Variants in ITPKA observed in about 807,000 individuals in gnomAD.
ITPKA encodes the protein inositol-trisphosphate 3-kinase A, also known as IP3 3-kinase A.
ITPKA carries 16 observed loss-of-function variants against 40.7 expected under a neutral mutation model. The ratio of observed to expected loss-of-function variants is 0.39; its 90% confidence interval spans 0.27 to 0.60. The LOEUF (loss-of-function observed/expected upper bound fraction) is 0.60. Ranked by LOEUF, ITPKA falls within the 20% of genes least tolerant of loss-of-function variation. The pLI, the probability that ITPKA is intolerant of heterozygous loss-of-function variation, is 0.50. For synonymous variants in ITPKA, 313 were observed against 289.9 expected (o/e 1.08, Z -0.81); for missense variants, 540 against 649.3 (o/e 0.83, Z 1.83).
intron 1 of ITPKA, among the ~76,000 whole-genome samples, chr15:41,496,716 G>C (rs570795322): frequency 6.6e-6 from 1 of 152,288 alleles, no homozygotes; most frequent in South Asian, 2.1e-4. Context: ...CCCACACATC[G>C]CTTTCCACTA....
In ITPKA at chr15:41,494,465, G is replaced by GGGACCTGGCTGGGTGCTCCCGGA; in HGVS notation, c.489+55_489+77dup. The GGGACCTGGCTGGGTGCTCCCGGA allele has an allele frequency of 7.8e-7, 1 of 1,286,418 alleles. No individual in the cohort carries two copies. Among genetic ancestry groups the GGGACCTGGCTGGGTGCTCCCGGA allele is most frequent in the Non-Finnish European group, 1.0e-6 (1 of 985,848 alleles). The allele number at this position is 1,286,418 out of a possible 1,614,324, so 79.7% of individuals were successfully genotyped here. ...AGCGCCGGGCGCGGGGGCTGCACGG[G>GGGACCTGGCTGGGTGCTCCCGGA]GGACCTGGCTGGGTGCTCCCGGAGG... is the stretch of plus-strand genomic sequence containing the variant. On this transcript the variant is annotated intron_variant, in intron 1 of 6. Transcript: ENST00000260386. This position sits in a 1 kb window ranked among gnomAD's most constrained non-coding sequence, Gnocchi z 7.8.
chr15:41,501,161 C>T, intron 1 of ITPKA: 1 of 189,702 alleles, frequency 5.3e-6, no homozygotes, highest in Non-Finnish European at 9.8e-6. Context: ...AGAGCATTTT[C>T]GTAACCTGCC....
chr15:41,503,061 G>A lies in ITPKA; in HGVS notation c.1281G>A (p.Gln427=), dbSNP rs769254933. 6.2e-7 allele frequency: 1 copy of A among 1,609,788 alleles called. No homozygotes were observed. Among genetic ancestry groups the A allele is most frequent in the Non-Finnish European group, 8.5e-7 (1 of 1,176,980 alleles). The change falls in exon 7 of 7, where the codon CAG becomes CAA. Residue 427 remains glutamine, a synonymous_variant. Coordinates refer to ENST00000260386, the MANE Select transcript of ITPKA (RefSeq NM_002220.3). ...AGACCACGCCCCTCCCCGATGGCCA[G>A]ATCCTGGACCACCGGCGGCCCTGGG... ...FGKTTPLPDG[Q]ILDHRRPWEE...
In ITPKA at chr15:41,502,410, C is replaced by T. The variant is rs758806990; in HGVS notation, c.1017C>T (p.Asp339=). 1.3e-6 allele frequency: 2 copies of T among 1,595,408 alleles called. No homozygotes were observed. Among genetic ancestry groups the T allele is most frequent in the East Asian group, 2.3e-5 (1 of 44,344 alleles). The change falls in exon 5 of 7, where the codon GAC becomes GAT. Residue 339 remains aspartate (D), a synonymous_variant. Transcript: ENST00000260386. ...TCCTGTCCCACATCCAGAAAGCGGA[C>T]GGCTCCTGCAGCACCGACTTCAAGA... ...GFRIEGIKKA[D]GSCSTDFKTT... is the part of the protein sequence containing the mutation.
At chr15:41,502,739 A>T in intron 5 of ITPKA, 49 bp from the exon 6 acceptor site, 1 of 1,511,340 alleles carries the variant, frequency 6.6e-7, no homozygotes, top group Non-Finnish European at 9.0e-7. Context: ...GCAGGGGCTC[A>T]TTTGGCGTTT....
intron 1 of ITPKA, among the ~76,000 whole-genome samples, chr15:41,499,743 G>C (rs983812941): frequency 2.6e-5 from 4 of 152,180 alleles, no homozygotes; most frequent in Non-Finnish European, 5.9e-5. Flanking sequence ...GTTGACATGA[G>C]CCAACCTGTG....
In ITPKA at chr15:41,494,563, G is replaced by A; in HGVS notation, c.489+147G>A. The A allele has an allele frequency of 1.8e-6, 1 of 546,124 alleles. No homozygotes were observed. Among genetic ancestry groups the A allele is most frequent in the African/African-American group, 2.0e-5 (1 of 50,600 alleles). 33.8% of individuals were successfully genotyped at this position (546,124 alleles called of 1,614,324 possible). On this transcript the variant is annotated intron_variant, in intron 1 of 6. Coordinates refer to ENST00000260386, the MANE Select transcript of ITPKA (RefSeq NM_002220.3). The surrounding 1 kb of genome is among the most constrained non-coding windows in gnomAD (Gnocchi z 7.8). ...GTTTAGGAGGAATCTGGGGGTCAGAGGGAGGCGCCTGGCCGACCTCTCGCC... is the reference window on the plus strand; with the variant it reads ...GTTTAGGAGGAATCTGGGGGTCAGAAGGAGGCGCCTGGCCGACCTCTCGCC...
Position 41,494,891 on chromosome 15 carries a change from C to T in ITPKA, c.489+475C>T, listed in dbSNP as rs1306243746. On this transcript the variant is annotated intron_variant, in intron 1 of 6. Transcript: ENST00000260386. The surrounding 1 kb of genome is among the most constrained non-coding windows in gnomAD (Gnocchi z 7.8). Reference sequence around the variant, plus strand: ...AGTGGGAGTGGAGCGGCGCTCCAGGCTCTGCTCGGGAGCCGCTGCCGTCTG... The same window carrying T: ...AGTGGGAGTGGAGCGGCGCTCCAGGTTCTGCTCGGGAGCCGCTGCCGTCTG... 6.6e-6 allele frequency among the ~76,000 whole-genome samples: 1 copy of T among 152,216 alleles called. No individual in the cohort carries two copies. Among genetic ancestry groups the T allele is most frequent in the Non-Finnish European group, 1.5e-5 (1 of 68,018 alleles).
Position 41,494,562 on chromosome 15 carries a change from A to C in ITPKA, c.489+146A>C. 1 of 549,188 alleles carries C rather than the reference A, an allele frequency of 1.8e-6. No homozygotes were observed. Among genetic ancestry groups the C allele is most frequent in the African/African-American group, 2.0e-5 (1 of 50,608 alleles). The allele number at this position is 549,188 out of a possible 1,614,324, so 34.0% of individuals were successfully genotyped here. On this transcript the variant is annotated intron_variant, in intron 1 of 6. Coordinates refer to ENST00000260386, the MANE Select transcript of ITPKA (RefSeq NM_002220.3). The surrounding 1 kb of genome is among the most constrained non-coding windows in gnomAD (Gnocchi z 7.8). Reference sequence around the variant, plus strand: ...GGTTTAGGAGGAATCTGGGGGTCAGAGGGAGGCGCCTGGCCGACCTCTCGC... The same window carrying C: ...GGTTTAGGAGGAATCTGGGGGTCAGCGGGAGGCGCCTGGCCGACCTCTCGC...
chr15:41,494,606 G>C lies in ITPKA; in HGVS notation c.489+190G>C, dbSNP rs540214905. Among the ~76,000 whole-genome samples the C allele has an allele frequency of 6.6e-6, 1 of 152,336 alleles. No homozygotes were observed. The highest frequency in any genetic ancestry group is 1.5e-5 in the Non-Finnish European group (1 of 68,032). On this transcript the variant is annotated intron_variant, in intron 1 of 6. Transcript: ENST00000260386. The surrounding 1 kb of genome is among the most constrained non-coding windows in gnomAD (Gnocchi z 7.8). ...CTCTCGCCTGGGCAACTTTCACCTCGGCTCCGCCGGCGGGTCGTGGCGCTG... is the reference window on the plus strand; with the variant it reads ...CTCTCGCCTGGGCAACTTTCACCTCCGCTCCGCCGGCGGGTCGTGGCGCTG...
Position 41,494,347 on chromosome 15 carries a change from C to T in ITPKA, c.420C>T (p.Asp140=), listed in dbSNP as rs566557081. ...CGCTGCTCGAGGACTCGGAGGACGA[C>T]CTGCTGAGCGACAGTGAGAGCCGGA... The part of the protein sequence containing the change: ...SSSLLEDSED[D]LLSDSESRSR... The change falls in exon 1 of 7, where the codon GAC becomes GAT. Residue 140 remains aspartate, a synonymous_variant. Transcript: ENST00000260386. The surrounding 1 kb of genome is among the most constrained non-coding windows in gnomAD (Gnocchi z 7.8). 6 of 1,524,124 alleles carry T rather than the reference C, an allele frequency of 3.9e-6. No individual in the cohort carries two copies. In the South Asian group the frequency reaches 7.3e-5, roughly 19 times the overall value. 94.4% of individuals were successfully genotyped at this position (1,524,124 alleles called of 1,614,324 possible). A position where few individuals can be genotyped will look rare whatever the true frequency, so the allele number is the denominator to read the frequency against.
intron 1 of ITPKA, among the ~76,000 whole-genome samples, chr15:41,501,022 A>G (rs1305065228): frequency 6.7e-6 from 1 of 148,454 alleles, no homozygotes; most frequent in Non-Finnish European, 1.5e-5. Flanking sequence ...AAAAAAAAAA[A>G]AAAAAAAAAA....
chr15:41,503,194 T>G lies in ITPKA; in HGVS notation c.*28T>G. Reference sequence around the variant, plus strand: ...CTGGACTCCTGTCCCCGCGGGCCGCTCACCTGACATGTGGACCTGCAGCTT... The same window carrying G: ...CTGGACTCCTGTCCCCGCGGGCCGCGCACCTGACATGTGGACCTGCAGCTT... On this transcript the variant is annotated 3_prime_UTR_variant, in exon 7 of 7. Transcript: ENST00000260386. 1 of 1,503,980 alleles carries G rather than the reference T, an allele frequency of 6.6e-7. No individual in the cohort carries two copies. 93.2% of individuals were successfully genotyped at this position (1,503,980 alleles called of 1,614,324 possible).
intron 1 of ITPKA, among the ~76,000 whole-genome samples, chr15:41,500,396 GTTC>G (rs1396350676): frequency 1.3e-5 from 2 of 152,330 alleles, no homozygotes; most frequent in South Asian, 4.1e-4. Context: ...CTCCAGCCCT[GTTC>G]TTTCTCCAGG....
Position 41,503,380 on chromosome 15 carries a change from C to T in ITPKA, c.*214C>T, listed in dbSNP as rs749235223. ...CGTTCCCAGAGCCAAATGACACTAA[C>T]TTATAGAAGGGGAGGGGGCAAAGGG... is the stretch of plus-strand genomic sequence containing the variant. On this transcript the variant is annotated 3_prime_UTR_variant, in exon 7 of 7. Coordinates refer to ENST00000260386, the MANE Select transcript of ITPKA (RefSeq NM_002220.3). 3 of 598,224 alleles carry T rather than the reference C, an allele frequency of 5.0e-6. No individual in the cohort carries two copies. Among genetic ancestry groups the T allele is most frequent in the Non-Finnish European group, 9.0e-6 (3 of 335,058 alleles). The allele number at this position is 598,224 out of a possible 1,614,324, so 37.1% of individuals were successfully genotyped here.
chr15:41,494,394 A>C lies in ITPKA; in HGVS notation c.467A>C (p.Glu156Ala). Residue 156 changes from glutamate to alanine, a missense_variant, in exon 1 of 7, where the codon GAA (glutamate) becomes GCA (alanine). Transcript: ENST00000260386. The surrounding 1 kb of genome is among the most constrained non-coding windows in gnomAD (Gnocchi z 7.8). ...ESRSRGNVQL[E>A]AGEDVGQKNH... is the part of the protein sequence containing the mutation. ...CGGAGCCGCGGCAACGTGCAGCTGG[A>C]AGCGGGCGAGGACGTGGGTCAGGTA... 1 of 1,483,658 alleles carries C rather than the reference A, an allele frequency of 6.7e-7. No individual in the cohort carries two copies. Among genetic ancestry groups the C allele is most frequent in the South Asian group, 1.3e-5 (1 of 78,072 alleles). 91.9% of individuals were successfully genotyped at this position (1,483,658 alleles called of 1,614,324 possible). A position where few individuals can be genotyped will look rare whatever the true frequency, so the allele number is the denominator to read the frequency against.
chr15:41,503,341 C>T lies in ITPKA; in HGVS notation c.*175C>T. On this transcript the variant is annotated 3_prime_UTR_variant, in exon 7 of 7. Coordinates refer to ENST00000260386, the MANE Select transcript of ITPKA (RefSeq NM_002220.3). ...CACCGCCGATGCCAGGGGTTTTGCCCACCCGGGCCCCAGCGTTCCCAGAGC... is the reference window on the plus strand; with the variant it reads ...CACCGCCGATGCCAGGGGTTTTGCCTACCCGGGCCCCAGCGTTCCCAGAGC... 3.3e-6 allele frequency: 2 copies of T among 610,142 alleles called. No homozygotes were observed. The highest frequency in any genetic ancestry group is 2.8e-5 in the East Asian group (1 of 36,204). 37.8% of individuals were successfully genotyped at this position (610,142 alleles called of 1,614,324 possible).
chr15:41,494,228 C>A lies in ITPKA; in HGVS notation c.301C>A (p.Arg101=). 1 of 1,538,012 alleles carries A rather than the reference C, an allele frequency of 6.5e-7. No homozygotes were observed. The highest frequency in any genetic ancestry group is 8.7e-7 in the Non-Finnish European group (1 of 1,149,538). The change falls in exon 1 of 7, where the codon CGG becomes AGG. Residue 101 remains arginine, a synonymous_variant. Transcript: ENST00000260386. The surrounding 1 kb of genome is among the most constrained non-coding windows in gnomAD (Gnocchi z 7.8). ...VPPTSPGPPE[R]ERDCLPAAGS... is the part of the protein sequence containing the mutation. ...CCCGACCAGCCCTGGGCCGCCGGAG[C>A]GGGAGAGGGACTGCCTCCCGGCAGC...
At chr15:41,500,218 C>CA (rs1421065273) in intron 1 of ITPKA, among the ~76,000 whole-genome samples, 16 of 152,224 alleles carry the variant, frequency 1.1e-4, no homozygotes, top group African/African-American at 3.9e-4. Flanking sequence ...CTCAGTCTCC[C>CA]AAAGTGCTGG....
Sources: gnomAD v4.1 joint callset for allele counts (sites outside exome capture counted in the v4.1 genomes callset) on GRCh38, gnomAD v4.1.1 for gene constraint, Gnocchi (gnomAD v3.1) non-coding constraint, MANE v1.5 for transcripts, NCBI Gene and HGNC (gene_info 2026-07-23, HGNC 2026-07-21) for gene names.